The following SHD variants were observed in gnomAD, a reference collection of about 807,000 sequenced individuals.
The protein encoded by SHD is Src homology 2 domain containing transforming protein D, also known as SH2 domain-containing adapter protein D.
In SHD, 29 loss-of-function variants were observed where a neutral mutation model predicts 31.2. The observed-to-expected ratio is 0.93, with a 90% CI of 0.69 to 1.27. SHD has a LOEUF of 1.27. Ranked by LOEUF, SHD falls within the 50% of genes most tolerant of loss-of-function variation. The pLI is 0.00. For synonymous variants in SHD, 208 were observed against 187.8 expected (o/e 1.11, Z -0.88); for missense variants, 520 against 453.8 (o/e 1.15, Z -1.33).
At chr19:4,283,289 A>G (rs779490037) in intron 3 of SHD, 47 bp downstream of exon 3, 4 of 1,563,080 alleles carry the variant, frequency 2.6e-6, no homozygotes, top group South Asian at 1.1e-5. Context: ...CCATCCCTGC[A>G]TTTCCTCATC....
chr19:4,288,116 A>T, intron 4 of SHD, 127 bp from the exon 5 acceptor site: 1 of 1,084,946 alleles, frequency 9.2e-7, no homozygotes, highest in Non-Finnish European at 1.3e-6. Flanking sequence ...TGTTAGGGAG[A>T]CTGGTTTCGA....
At chr19:4,283,267 C>T (rs761722195) in intron 3 of SHD, 25 bp downstream of exon 3, 64 of 1,593,182 alleles carry the variant, frequency 4.0e-5, no homozygotes, top group Non-Finnish European at 5.0e-5. Flanking sequence ...CACACTCTGA[C>T]ATCTGAATGC....
intron 4 of SHD, among the ~76,000 whole-genome samples, chr19:4,286,410 A>T (rs1599515043): frequency 6.6e-6 from 1 of 150,766 alleles, no homozygotes; most frequent in Non-Finnish European, 1.5e-5. Context: ...GCAGTGGCAC[A>T]ATCAGCTCAC....
rs1971365509 is a variant in SHD, at chr19:4,290,451, A to G, written c.841A>G (p.Ser281Gly). 5 of 1,610,514 alleles carry G rather than the reference A, an allele frequency of 3.1e-6. No homozygotes were observed. In the South Asian group the frequency reaches 5.5e-5, roughly 18 times the overall value. The stretch of plus-strand genomic sequence containing the variant: ...CCTTTCTCCCTCATCGCCCAGGAGC[A>G]GCCAGGGCTTCCTGCATCTGAAGTT... ...PQDCSLSLRSSQGFLHLKFAR... is the reference protein window; with the variant it reads ...PQDCSLSLRSGQGFLHLKFAR... Residue 281 changes from serine (S) to glycine (G), a missense_variant, in exon 6 of 6, where the codon AGC becomes GGC. By Grantham distance (56) the Ser-to-Gly change is moderately conservative. Transcript: ENST00000543264.
In SHD at chr19:4,280,188, T is replaced by TTGAGGA; in HGVS notation, c.125_126insTGAGGA (p.Glu43_Asp44dup). On this transcript the variant is annotated inframe_insertion, in exon 1 of 6. Transcript: ENST00000543264. The stretch of plus-strand genomic sequence containing the variant: ...TACCGCGCGCAGAAGAACCTGGACT[T>TTGAGGA]CGAGGACCCCTATGAGGACGCGGAG... 83 of 1,612,702 alleles carry TTGAGGA rather than the reference T, an allele frequency of 5.1e-5. No individual in the cohort carries two copies. The highest frequency in any genetic ancestry group is 7.0e-5 in the Non-Finnish European group (83 of 1,179,808).
rs1037437956 is a variant in SHD at position 4,280,462 on chromosome 19, C to A, written c.297+102C>A. Reference sequence around the variant, plus strand: ...TTTTATGTGTGATCACAGGAGGGGACTGGGGCACCAGACAGACCCTTCCCA... The same window carrying A: ...TTTTATGTGTGATCACAGGAGGGGAATGGGGCACCAGACAGACCCTTCCCA... On this transcript the variant is annotated intron_variant, in intron 1 of 5. Transcript: ENST00000543264. 4 of 1,316,334 alleles carry A rather than the reference C, an allele frequency of 3.0e-6. No homozygotes were observed. The African/African-American group carries it at 5.9e-5, about 19-fold the overall frequency. 81.5% of individuals were successfully genotyped at this position (1,316,334 alleles called of 1,614,324 possible). A position where few individuals can be genotyped will look rare whatever the true frequency, so the allele number is the denominator to read the frequency against.
intron 4 of SHD, among the ~76,000 whole-genome samples, chr19:4,285,910 T>TTTTTTTTTTAAA (rs1971304830): frequency 8.0e-6 from 1 of 125,164 alleles, no homozygotes; most frequent in African/African-American, 3.4e-5. Flanking sequence ...TTTTTTTTTT[T>TTTTTTTTTTAAA]GACAGAGCCT....
rs2144716880 is a variant in SHD, at chr19:4,284,800, G to A, written c.612G>A (p.Glu204=). The change falls in exon 4 of 6, where the codon GAG becomes GAA. Residue 204 remains glutamate (E), a synonymous_variant. Transcript: ENST00000543264. ...TTCCAGTGCAGTTTGACAGTCCAGA[G>A]TGGGAGAGGACTCCAGGCTCAGCCA... The part of the protein sequence containing the change: ...RAFAVQFDSP[E]WERTPGSAKE... 1 of 1,610,962 alleles carries A rather than the reference G, an allele frequency of 6.2e-7. No individual in the cohort carries two copies. Among genetic ancestry groups the A allele is most frequent in the Non-Finnish European group, 8.5e-7 (1 of 1,178,270 alleles).
chr19:4,288,511 G>T, intron 5 of SHD, 149 bp downstream of exon 5: 1 of 896,058 alleles, frequency 1.1e-6, no homozygotes. Context: ...GAGAAGGGGT[G>T]GGAGTTCTGG....
chr19:4,281,745 C>T (rs752453491), intron 1 of SHD, among the ~76,000 whole-genome samples: 11 of 152,002 alleles, frequency 7.2e-5, no homozygotes, highest in African/African-American at 2.7e-4. Flanking sequence ...GTGACAAGAG[C>T]GAGACTCTGT....
Position 4,279,801 on chromosome 19 carries a change from C to G in SHD, c.-263C>G. 1 of 511,402 alleles carries G rather than the reference C, an allele frequency of 2.0e-6. No individual in the cohort carries two copies. The highest frequency in any genetic ancestry group is 3.4e-6 in the Non-Finnish European group (1 of 291,472). 31.7% of individuals were successfully genotyped at this position (511,402 alleles called of 1,614,324 possible). ...GGGTTCGGGGCCCTGCGAGGTCCCC[C>G]CTTCCCCCGCGGTGCTTCCCAAGCT... On this transcript the variant is annotated 5_prime_UTR_variant, in exon 1 of 6. Transcript: ENST00000543264. The surrounding 1 kb of genome is among the most constrained non-coding windows in gnomAD (Gnocchi z 7.5).
At position 4,280,297 on chromosome 19, in the gene SHD, C is replaced by T. The variant is rs61744133; in HGVS notation, c.234C>T (p.Leu78=). ...AGTATGGTTCTCCCAAGCACCGGCT[C>T]ATCAAGGTGGAGGCTGCGGATATGG... The part of the protein sequence containing the change: ...DAKYGSPKHR[L]IKVEAADMAR... Residue 78 remains leucine (L), a synonymous_variant, in exon 1 of 6, where the codon CTC becomes CTT. Coordinates refer to ENST00000543264, the MANE Select transcript of SHD (RefSeq NM_020209.4). The T allele has an allele frequency of 3.0e-4, 476 of 1,610,230 alleles. 1 individual carries two copies. In the African/African-American group the frequency reaches 5.8e-3, roughly 19 times the overall value.
rs1971269975 is a variant in SHD, at chr19:4,282,848, C to T, written c.298-22C>T. The stretch of plus-strand genomic sequence containing the variant: ...GGAAGCCCCTCTGAGTCCTTGTCTT[C>T]TCCCCTTCCTTCTCTCCGCAGCTGG... On this transcript the variant is annotated intron_variant, in intron 1 of 5. Transcript: ENST00000543264. 1.9e-6 allele frequency: 3 copies of T among 1,611,146 alleles called. No homozygotes were observed. The South Asian group carries it at 3.3e-5, about 18-fold the overall frequency.
In SHD at chr19:4,290,440, C is replaced by T. The variant is rs747605488; in HGVS notation, c.837-7C>T. 1.2e-5 allele frequency: 20 copies of T among 1,606,244 alleles called. No homozygotes were observed. Among genetic ancestry groups the T allele is most frequent in the Admixed American group, 5.1e-5 (3 of 59,346 alleles). ...GCTCAGGAGTCCCTTTCTCCCTCAT[C>T]GCCCAGGAGCAGCCAGGGCTTCCTG... On this transcript the variant is annotated splice_polypyrimidine_tract_variant and splice_region_variant and intron_variant, in intron 5 of 5. Transcript: ENST00000543264.
Position 4,289,633 on chromosome 19 carries a change from C to T in SHD, c.837-814C>T, listed in dbSNP as rs531718220. ...TCGCCTAGGCTGGAGTATAGTGGCA[C>T]GATCTCGGCTCACTGCAAGCTCCGC... On this transcript the variant is annotated intron_variant, in intron 5 of 5. Coordinates refer to ENST00000543264, the MANE Select transcript of SHD (RefSeq NM_020209.4). 9.9e-5 allele frequency among the ~76,000 whole-genome samples: 15 copies of T among 151,646 alleles called. No homozygotes were observed. The East Asian group carries it at 1.4e-3, about 14-fold the overall frequency.
intron 4 of SHD, among the ~76,000 whole-genome samples, chr19:4,286,241 T>TTCTC (rs1568369354): frequency 1.3e-4 from 14 of 104,242 alleles, no homozygotes; most frequent in African/African-American, 4.0e-4. Context: ...TTTTCTTTCT[T>TTCTC]TCTTTCTTTC....
chr19:4,284,667 A>G, intron 3 of SHD, 114 bp from the exon 4 acceptor site: 1 of 1,285,444 alleles, frequency 7.8e-7, no homozygotes, highest in Non-Finnish European at 1.0e-6. Context: ...CTGGGCTGTG[A>G]TAGGTTGTCC....
Position 4,282,989 on chromosome 19 carries a change from GCTTGGGGGAAGGTGA to G in SHD, c.403+16_403+30del. 3 of 1,614,098 alleles carry G rather than the reference GCTTGGGGGAAGGTGA, an allele frequency of 1.9e-6. No individual in the cohort carries two copies. Among genetic ancestry groups the G allele is most frequent in the Non-Finnish European group, 1.7e-6 (2 of 1,180,000 alleles). Reference sequence around the variant, plus strand: ...GGGTCATGAGTGGTGAGTAGGCACGGCTTGGGGGAAGGTGACAGGGTCCCAGATGGGAGCAGGAGC... The same window carrying G: ...GGGTCATGAGTGGTGAGTAGGCACGGCAGGGTCCCAGATGGGAGCAGGAGC... On this transcript the variant is annotated intron_variant, in intron 2 of 5. Transcript: ENST00000543264.
At position 4,290,632 on chromosome 19, in the gene SHD, G is replaced by C; in HGVS notation, c.1022G>C (p.Ter341SerextTer2). 1 of 1,594,784 alleles carries C rather than the reference G, an allele frequency of 6.3e-7. No homozygotes were observed. Among genetic ancestry groups the C allele is most frequent in the Non-Finnish European group, 8.6e-7 (1 of 1,167,780 alleles). The change falls in exon 6 of 6, where the codon TGA becomes TCA. Residue 341 changes from the stop codon to serine (S), a stop_lost. Coordinates refer to ENST00000543264, the MANE Select transcript of SHD (RefSeq NM_020209.4). ...LLYPVVTQTP[*>S] ...TACCCCGTGGTCACGCAGACCCCCT[G>C]ACAGTGACCCTCGGCCCCCTTTTGA...
Sources: gnomAD v4.1 joint callset for allele counts (sites outside exome capture counted in the v4.1 genomes callset) on GRCh38, gnomAD v4.1.1 for gene constraint, Gnocchi (gnomAD v3.1) non-coding constraint, MANE v1.5 for transcripts, NCBI Gene and HGNC (gene_info 2026-07-23, HGNC 2026-07-21) for gene names.